Variants in CNN3 observed in about 807,000 individuals in gnomAD.
CNN3 encodes calponin 3.
CNN3 carries 11 observed loss-of-function variants against 39.0 expected under a neutral mutation model. The observed-to-expected ratio is 0.28, with a 90% CI of 0.18 to 0.47. The LOEUF is 0.47. Among genes scored for constraint, CNN3 ranks in the 20% least tolerant of loss-of-function variants. The pLI, the probability that CNN3 is intolerant of heterozygous loss-of-function variation, is 0.99. For synonymous variants in CNN3, 101 were observed against 138.3 expected (o/e 0.73, Z 1.89); for missense variants, 266 against 403.4 (o/e 0.66, Z 2.92).
At chr1:94,924,843 C>T (rs890462281) in intron 1 of CNN3, among the ~76,000 whole-genome samples, 3 of 152,184 alleles carry the variant, frequency 2.0e-5, no homozygotes, top group Non-Finnish European at 4.4e-5. Context: ...CAGGACTGCT[C>T]TGCTGTTAAG....
chr1:94,901,120 G>A (rs547223058), intron 5 of CNN3, among the ~76,000 whole-genome samples: 12 of 152,134 alleles, frequency 7.9e-5, no homozygotes, highest in African/African-American at 2.2e-4. Context: ...TTGGGAGGCC[G>A]AGGTGGGCAG....
intron 1 of CNN3, among the ~76,000 whole-genome samples, chr1:94,919,327 A>G (rs947773343): frequency 1.3e-5 from 2 of 152,236 alleles, no homozygotes; most frequent in East Asian, 3.8e-4. Context: ...CAGCAAGCTC[A>G]CAAGATGATG....
At chr1:94,908,551 G>T (rs546805211) in intron 1 of CNN3, among the ~76,000 whole-genome samples, 3 of 152,024 alleles carry the variant, frequency 2.0e-5, no homozygotes, top group Non-Finnish European at 2.9e-5. Flanking sequence ...TTGTTTGTTT[G>T]TTTTTTTGAG....
At chr1:94,922,724 G>A (rs575606486) in intron 1 of CNN3, among the ~76,000 whole-genome samples, 2 of 152,166 alleles carry the variant, frequency 1.3e-5, no homozygotes, top group East Asian at 1.9e-4. Flanking sequence ...GCAGCTGTGC[G>A]TCTAAAGCGC....
chr1:94,899,164 T>G (rs1366502941), intron 6 of CNN3, among the ~76,000 whole-genome samples: 1 of 152,166 alleles, frequency 6.6e-6, no homozygotes, highest in Non-Finnish European at 1.5e-5. Context: ...AGGCCAGCTG[T>G]TCTAACTGCC....
chr1:94,925,775 T>G (rs1571540904), intron 1 of CNN3: 3 of 985,270 alleles, frequency 3.0e-6, no homozygotes, highest in East Asian at 1.1e-4. Flanking sequence ...TTAATGGGAA[T>G]TAAACCACAG....
chr1:94,898,066 T>C lies in CNN3; in HGVS notation c.666A>G (p.Pro222=). ...KGASQAGMLA[P]GTRRDIYDQK... is the part of the protein sequence containing the mutation. Reference sequence around the variant, plus strand: ...GATCATAGATGTCTCTTCTGGTACCTGGTGCTAACATCCCTGCCTGGTATT... The same window carrying C: ...GATCATAGATGTCTCTTCTGGTACCCGGTGCTAACATCCCTGCCTGGTATT... The change falls in exon 7 of 7, where the codon CCA becomes CCG. Residue 222 remains proline, a synonymous_variant. Coordinates refer to ENST00000370206, the MANE Select transcript of CNN3 (RefSeq NM_001839.5). 3 of 1,613,828 alleles carry C rather than the reference T, an allele frequency of 1.9e-6. No individual in the cohort carries two copies. Among genetic ancestry groups the C allele is most frequent in the African/African-American group, 1.3e-5 (1 of 75,076 alleles).
intron 1 of CNN3, among the ~76,000 whole-genome samples, chr1:94,915,691 C>A (rs1236509138): frequency 6.6e-6 from 1 of 152,156 alleles, no homozygotes; most frequent in Admixed American, 6.5e-5. Flanking sequence ...GATCAAGGGC[C>A]AATGGAAAGA....
chr1:94,901,952 G>A, intron 4 of CNN3, 167 bp from the exon 5 acceptor site: 2 of 717,366 alleles, frequency 2.8e-6, no homozygotes, highest in Non-Finnish European at 4.8e-6. Context: ...TTCTAAGTAA[G>A]CTATCTAGTA....
At chr1:94,910,923 C>G (rs1477558687) in intron 1 of CNN3, among the ~76,000 whole-genome samples, 1 of 152,208 alleles carries the variant, frequency 6.6e-6, no homozygotes, top group Admixed American at 6.5e-5. Flanking sequence ...GGGATGCCAG[C>G]CTTCACCACT....
intron 1 of CNN3, among the ~76,000 whole-genome samples, chr1:94,905,588 C>T (rs1670977363): frequency 6.6e-6 from 1 of 152,214 alleles, no homozygotes; most frequent in South Asian, 2.1e-4. Context: ...AATGGCTCTA[C>T]AGCTTTGACA....
intron 5 of CNN3, among the ~76,000 whole-genome samples, chr1:94,900,811 C>A (rs534420224): frequency 6.6e-6 from 1 of 152,286 alleles, no homozygotes; most frequent in African/African-American, 2.4e-5. Context: ...TTTAAACTGA[C>A]AAATTCTAAC....
chr1:94,900,625 T>TA (rs139602476), intron 5 of CNN3, among the ~76,000 whole-genome samples: 19,738 of 152,104 alleles, frequency 0.13, 1,431 homozygotes, highest in African/African-American at 0.18. Context: ...TTGTACTGTG[T>TA]AAAAATAAAT....
chr1:94,921,344 G>A (rs917991955), intron 1 of CNN3, among the ~76,000 whole-genome samples: 14 of 152,064 alleles, frequency 9.2e-5, no homozygotes, highest in African/African-American at 1.4e-4. Context: ...GCAGTGAGCC[G>A]AGATCGTACG....
intron 1 of CNN3, among the ~76,000 whole-genome samples, chr1:94,921,206 C>T (rs1460442967): frequency 1.3e-5 from 2 of 152,100 alleles, no homozygotes; most frequent in Non-Finnish European, 1.5e-5. Context: ...ACCAGCCTGG[C>T]CAACATGGTG....
At chr1:94,923,125 G>A (rs1241646297) in intron 1 of CNN3, among the ~76,000 whole-genome samples, 1 of 152,080 alleles carries the variant, frequency 6.6e-6, no homozygotes, top group African/African-American at 2.4e-5. Flanking sequence ...GCTTCACTGC[G>A]TCCTCTCTTC....
chr1:94,923,665 T>C (rs1158631878), intron 1 of CNN3, among the ~76,000 whole-genome samples: 11 of 152,224 alleles, frequency 7.2e-5, no homozygotes, highest in Admixed American at 5.9e-4. Flanking sequence ...CCTCAATTCA[T>C]TGATGAAATG....
At chr1:94,915,924 C>G (rs575335198) in intron 1 of CNN3, among the ~76,000 whole-genome samples, 71 of 152,278 alleles carry the variant, frequency 4.7e-4, no homozygotes, top group African/African-American at 1.6e-3. Flanking sequence ...CTTCCCTTCC[C>G]CTTCTGAGCT....
intron 1 of CNN3, among the ~76,000 whole-genome samples, chr1:94,915,543 A>G (rs1671259426): frequency 1.3e-5 from 2 of 152,200 alleles, no homozygotes; most frequent in South Asian, 2.1e-4. Flanking sequence ...GAGGGAGAAA[A>G]TAAGTTACCC....
Sources: allele counts gnomAD v4.1 joint callset (sites outside exome capture counted in the v4.1 genomes callset), GRCh38; gene constraint gnomAD v4.1.1; transcripts MANE v1.5; gene names NCBI Gene and HGNC (gene_info 2026-07-23, HGNC 2026-07-21).